Variants in TFDP2 observed in about 807,000 individuals in gnomAD.
TFDP2 encodes transcription factor Dp-2, also known as transcription factor Dp-2 (E2F dimerization partner 2).
In TFDP2, 17 loss-of-function variants were observed where a neutral mutation model predicts 59.3. That is an observed-to-expected ratio of 0.29 (90% confidence interval 0.20 to 0.43). The LOEUF (loss-of-function observed/expected upper bound fraction) is 0.43, where lower values mean the gene tolerates loss of function less well. TFDP2 is among the 20% of genes least tolerant of loss of function. TFDP2 has a pLI of 1.00. For missense variants in TFDP2, 391 were observed against 528.8 expected, an observed-to-expected ratio of 0.74 and a Z score of 2.56; for synonymous variants, 180 against 194.7, an observed-to-expected ratio of 0.92 and a Z score of 0.63.
chr3:142,094,980 C>T (rs62284561), intron 2 of TFDP2, among the ~76,000 whole-genome samples: 8,903 of 151,398 alleles, frequency 0.059, 371 homozygotes, highest in East Asian at 0.2. Flanking sequence ...ACACTGACTA[C>T]TTATATTTTT....
rs1938713643 is a variant in TFDP2 at position 141,968,535 on chromosome 3, TA to T, written c.732+1537del. ...TATATATCTCATATATATAGATATA[TA>T]TAACATATATATATCTCATATATAT... On this transcript the variant is annotated intron_variant, in intron 9 of 12. Coordinates refer to ENST00000489671, the MANE Select transcript of TFDP2 (RefSeq NM_001178139.2). 1.5e-4 allele frequency among the ~76,000 whole-genome samples: 17 copies of T among 110,620 alleles called. 1 individual carries two copies. The highest frequency in any genetic ancestry group is 6.6e-4 in the African/African-American group (16 of 24,222). 72.6% of individuals were successfully genotyped at this position (110,620 alleles called of 152,430 possible).
At chr3:141,983,807 C>T (rs181352449) in intron 6 of TFDP2, among the ~76,000 whole-genome samples, 6 of 151,806 alleles carry the variant, frequency 4.0e-5, no homozygotes, top group Admixed American at 1.3e-4. Flanking sequence ...AAACTGAAAA[C>T]GAGAAAGTGT....
At chr3:141,972,255 C>T (rs1939879037) in intron 8 of TFDP2, among the ~76,000 whole-genome samples, 1 of 152,232 alleles carries the variant, frequency 6.6e-6, no homozygotes, top group African/African-American at 2.4e-5. Context: ...GGTCAAGCTG[C>T]ACTGATTGTA....
chr3:142,046,928 A>T (rs1947370014), intron 3 of TFDP2, among the ~76,000 whole-genome samples: 1 of 152,226 alleles, frequency 6.6e-6, no homozygotes, highest in African/African-American at 2.4e-5. Flanking sequence ...GTCCTAAAAT[A>T]ATCTAGCACA....
In TFDP2 at chr3:141,971,580, C is replaced by T. The variant is rs11569242; in HGVS notation, c.664-1439G>A. On this transcript the variant is annotated intron_variant, in intron 8 of 12. Coordinates refer to ENST00000489671, the MANE Select transcript of TFDP2 (RefSeq NM_001178139.2). ...AAAAAAAAAGAAAATTTATAGGAGC[C>T]CATTGGTTTGGACTGAGCTCCTGCA... is the stretch of plus-strand genomic sequence containing the variant. 4.8e-3 allele frequency among the ~76,000 whole-genome samples: 729 copies of T among 151,916 alleles called. 7 individuals carry two copies. Among genetic ancestry groups the T allele is most frequent in the African/African-American group, 0.017 (703 of 41,452 alleles).
chr3:141,993,376 G>A (rs998065186), intron 6 of TFDP2, among the ~76,000 whole-genome samples, 162 bp downstream of exon 6: 2 of 152,164 alleles, frequency 1.3e-5, no homozygotes, highest in Non-Finnish European at 2.9e-5. Flanking sequence ...CAGATACTAT[G>A]AGTGAACTGG....
intron 3 of TFDP2, among the ~76,000 whole-genome samples, chr3:142,040,332 C>T (rs1946899915): frequency 6.6e-6 from 1 of 152,194 alleles, no homozygotes; most frequent in Admixed American, 6.5e-5. Context: ...GTGGCTTCTG[C>T]CTGTAATCCC....
chr3:142,068,315 A>G (rs2060137383), intron 3 of TFDP2, among the ~76,000 whole-genome samples: 1 of 152,168 alleles, frequency 6.6e-6, no homozygotes, highest in Non-Finnish European at 1.5e-5. Flanking sequence ...ATACAAAACT[A>G]TAAAACTCCT....
chr3:142,066,516 T>A (rs2060078735), intron 3 of TFDP2, among the ~76,000 whole-genome samples: 1 of 152,246 alleles, frequency 6.6e-6, no homozygotes, highest in Non-Finnish European at 1.5e-5. Context: ...GAATAACTCA[T>A]GTAATTTATT....
chr3:142,023,279 C>T (rs893526313), intron 3 of TFDP2, among the ~76,000 whole-genome samples: 3 of 151,048 alleles, frequency 2.0e-5, no homozygotes, highest in Non-Finnish European at 4.4e-5. Flanking sequence ...CCGCCTCCCG[C>T]GTTCAAGTGA....
In TFDP2 at chr3:142,054,303, T is replaced by G. The variant is rs150499286; in HGVS notation, c.82+38758A>C. Among the ~76,000 whole-genome samples, 80 of 152,266 alleles carry G rather than the reference T, an allele frequency of 5.3e-4. 1 individual carries two copies. Among genetic ancestry groups the G allele is most frequent in the Middle Eastern group, 3.4e-3 (1 of 294 alleles). On this transcript the variant is annotated intron_variant, in intron 3 of 12. Coordinates refer to ENST00000489671, the MANE Select transcript of TFDP2 (RefSeq NM_001178139.2). ...TGGTATATCATATAATAGAATACTA[T>G]TCAGTAATAGAAAAGAACTACTGAT...
At chr3:142,047,767 C>A (rs957586719) in intron 3 of TFDP2, among the ~76,000 whole-genome samples, 39 of 126,068 alleles carry the variant, frequency 3.1e-4, no homozygotes, top group African/African-American at 9.0e-4. Flanking sequence ...GATGGAGTTT[C>A]GCTCTTGTTG....
At chr3:142,146,599 G>A (rs1281095721) in intron 1 of TFDP2, among the ~76,000 whole-genome samples, 1 of 152,158 alleles carries the variant, frequency 6.6e-6, no homozygotes, top group Non-Finnish European at 1.5e-5. Context: ...ACAGTGTAAT[G>A]TGGTTGCCAA....
intron 3 of TFDP2, among the ~76,000 whole-genome samples, chr3:142,073,455 C>G (rs1369761306): frequency 2.1e-5 from 1 of 48,206 alleles, no homozygotes; most frequent in African/African-American, 7.6e-5. Flanking sequence ...AACAAACAAA[C>G]AACCCCCCCC....
intron 3 of TFDP2, among the ~76,000 whole-genome samples, chr3:142,029,894 T>C (rs984007211): frequency 1.3e-5 from 2 of 152,240 alleles, no homozygotes; most frequent in African/African-American, 4.8e-5. Flanking sequence ...GTGAGCTTAG[T>C]TTATTTCAGT....
chr3:142,109,411 C>G (rs1024918715), intron 1 of TFDP2, among the ~76,000 whole-genome samples: 2 of 151,136 alleles, frequency 1.3e-5, no homozygotes, highest in African/African-American at 4.9e-5. Context: ...TCAGTGAAAC[C>G]TCTGGCCCCT....
chr3:141,994,681 T>A (rs1377320456), intron 5 of TFDP2: 1 of 160,754 alleles, frequency 6.2e-6, no homozygotes, highest in East Asian at 1.7e-4. Context: ...ACACTTAATA[T>A]TTAACTCCTT....
chr3:141,956,507 G>A (rs1341264436), intron 11 of TFDP2, among the ~76,000 whole-genome samples: 2 of 151,872 alleles, frequency 1.3e-5, no homozygotes, highest in African/African-American at 2.4e-5. Context: ...AGCTGAGACT[G>A]CACCATTGCA....
chr3:142,020,227 T>C (rs1419529844), intron 3 of TFDP2, among the ~76,000 whole-genome samples: 1 of 152,038 alleles, frequency 6.6e-6, no homozygotes, highest in Non-Finnish European at 1.5e-5. Flanking sequence ...GGGATATCTA[T>C]CACCTGTATT....
Sources: gnomAD v4.1 joint callset for allele counts (sites outside exome capture counted in the v4.1 genomes callset) on GRCh38, gnomAD v4.1.1 for gene constraint, MANE v1.5 for transcripts, NCBI Gene and HGNC (gene_info 2026-07-23, HGNC 2026-07-21) for gene names.